Variants in DDX1 observed in about 807,000 individuals in gnomAD.
DDX1 encodes the protein DEAD-box helicase 1, also known as ATP-dependent RNA helicase DDX1.
A neutral mutation model predicts 108.7 loss-of-function variants in DDX1; 28 were observed. The ratio of observed to expected loss-of-function variants is 0.26; its 90% CI spans 0.19 to 0.35. The LOEUF (loss-of-function observed/expected upper bound fraction) is 0.35, where lower values mean the gene tolerates loss of function less well. Ranked by LOEUF, DDX1 falls within the 10% of genes least tolerant of loss-of-function variation. The pLI, the probability that DDX1 is intolerant of heterozygous loss-of-function variation, is 1.00. For missense variants in DDX1, 710 were observed against 884.5 expected, an observed-to-expected ratio of 0.80 and a Z score of 2.50; for synonymous variants, 295 against 288.9, an observed-to-expected ratio of 1.02 and a Z score of -0.21.
chr2:15,604,364 T>G (rs923346214), intron 9 of DDX1, 73 bp from the exon 10 acceptor site: 3 of 950,884 alleles, frequency 3.2e-6, no homozygotes, highest in Non-Finnish European at 5.0e-6. Flanking sequence ...CACATACTTT[T>G]GATGCAGCTA....
rs754095607 is a variant in DDX1 at position 15,607,210 on chromosome 2, A to G, written c.853A>G (p.Asn285Asp). 1.2e-6 allele frequency: 2 copies of G among 1,614,058 alleles called. No homozygotes were observed. The highest frequency in any genetic ancestry group is 2.2e-5 in the South Asian group (2 of 91,076). ...AQVTQTKFLP[N>D]APKALIVEPS... is the part of the protein sequence containing the mutation. Reference sequence around the variant, plus strand: ...GGTGACACAAACAAAGTTTCTCCCCAATGCTCCGAAAGCTCTCATTGTTGA... The same window carrying G: ...GGTGACACAAACAAAGTTTCTCCCCGATGCTCCGAAAGCTCTCATTGTTGA... The change falls in exon 13 of 26, where the codon AAT (asparagine) becomes GAT (aspartate). Residue 285 changes from asparagine to aspartate, a missense_variant. By Grantham distance (23) the Asn-to-Asp change is conservative (BLOSUM62 1). Around this residue, in one of 3 missense-constraint regions of DDX1, gnomAD observed 661 missense variants for 810.2 expected, o/e 0.82. Coordinates refer to ENST00000233084, the MANE Select transcript of DDX1 (RefSeq NM_004939.3).
intron 14 of DDX1, among the ~76,000 whole-genome samples, chr2:15,614,602 G>T (rs188272855): frequency 6.6e-6 from 1 of 152,258 alleles, no homozygotes; most frequent in Admixed American, 6.5e-5. Flanking sequence ...GTAGGAGCGG[G>T]TTAGTTATTG....
intron 13 of DDX1, among the ~76,000 whole-genome samples, chr2:15,610,464 T>G (rs1665732990): frequency 6.6e-6 from 1 of 152,232 alleles, no homozygotes; most frequent in Non-Finnish European, 1.5e-5. Context: ...GGGTTTTAAC[T>G]TCAGTCTTTT....
At chr2:15,624,805 C>T (rs1224758488) in intron 19 of DDX1, among the ~76,000 whole-genome samples, 1 of 152,048 alleles carries the variant, frequency 6.6e-6, no homozygotes, top group Non-Finnish European at 1.5e-5. Context: ...AAATACAACA[C>T]CGAATTTTGG....
At position 15,595,159 on chromosome 2, in the gene DDX1, C is replaced by T; in HGVS notation, c.31C>T (p.Pro11Ser). Residue 11 changes from proline to serine, a missense_variant, in exon 2 of 26, where the codon CCT (proline) becomes TCT (serine). Physicochemically the swap from Pro to Ser is moderately conservative, Grantham distance 74 (BLOSUM62 -1). Transcript: ENST00000233084. Reference sequence around the variant, plus strand: ...TTTACTTTCAGAGATGGGTGTAATGCCTGAGATTGCACAAGCTGTGGAAGA... The same window carrying T: ...TTTACTTTCAGAGATGGGTGTAATGTCTGAGATTGCACAAGCTGTGGAAGA... MAAFSEMGVM[P>S]EIAQAVEEMD... The T allele has an allele frequency of 6.2e-7, 1 of 1,611,068 alleles. No homozygotes were observed. Among genetic ancestry groups the T allele is most frequent in the Non-Finnish European group, 8.5e-7 (1 of 1,178,364 alleles).
rs773341416 is a variant in DDX1 at position 15,596,716 on chromosome 2, T to G, written c.133-18T>G. ...AGACAACTTAATCTGTAAAATCAACTTTTTTCCCCTCATTCAGGCTGCAGA... is the reference window on the plus strand; with the variant it reads ...AGACAACTTAATCTGTAAAATCAACGTTTTTCCCCTCATTCAGGCTGCAGA... On this transcript the variant is annotated intron_variant, in intron 3 of 25. Transcript: ENST00000233084. 7 of 1,609,116 alleles carry G rather than the reference T, an allele frequency of 4.4e-6. No individual in the cohort carries two copies. In the African/African-American group the frequency reaches 6.7e-5, roughly 15 times the overall value.
rs1404797053 is a variant in DDX1, at chr2:15,606,206, T to C, written c.759T>C (p.Asp253=). 6.2e-7 allele frequency: 1 copy of C among 1,614,178 alleles called. No homozygotes were observed. The highest frequency in any genetic ancestry group is 1.1e-5 in the South Asian group (1 of 91,078). ...GEEEFKFPPK[D]GFVALSKAPD... ...AGGAATTTAAGTTTCCACCAAAAGA[T>C]GGCTTTGTTGCTCTTTCCAAGGCAC... Residue 253 remains aspartate, a synonymous_variant, in exon 12 of 26, where the codon GAT becomes GAC. Coordinates refer to ENST00000233084, the MANE Select transcript of DDX1 (RefSeq NM_004939.3).
At position 15,630,020 on chromosome 2, in the gene DDX1, T is replaced by G. The variant is rs1666166582; in HGVS notation, c.2002T>G (p.Cys668Gly). ...ATCTGAGATAGAAGAACACCTGAACTGTACCATTTCTCAGGTTGAGCCGGA... is the reference window on the plus strand; with the variant it reads ...ATCTGAGATAGAAGAACACCTGAACGGTACCATTTCTCAGGTTGAGCCGGA... ...LLSEIEEHLN[C>G]TISQVEPDIK... Residue 668 changes from cysteine to glycine, a missense_variant, in exon 25 of 26, where the codon TGT becomes GGT. Around this residue, in one of 3 missense-constraint regions of DDX1, gnomAD observed 661 missense variants for 810.2 expected, o/e 0.82. Coordinates refer to ENST00000233084, the MANE Select transcript of DDX1 (RefSeq NM_004939.3). 4 of 1,612,616 alleles carry G rather than the reference T, an allele frequency of 2.5e-6. No individual in the cohort carries two copies. The highest frequency in any genetic ancestry group is 2.5e-6 in the Non-Finnish European group (3 of 1,178,842).
chr2:15,607,553 T>G (rs1253433600), intron 13 of DDX1, among the ~76,000 whole-genome samples: 1 of 152,150 alleles, frequency 6.6e-6, no homozygotes, highest in Non-Finnish European at 1.5e-5. Flanking sequence ...TGAAAAGTCA[T>G]GGTTAGTCAA....
At chr2:15,592,284 T>C (rs1665427101) in intron 1 of DDX1, among the ~76,000 whole-genome samples, 1 of 152,216 alleles carries the variant, frequency 6.6e-6, no homozygotes, top group South Asian at 2.1e-4. Flanking sequence ...CTGGGCCTCC[T>C]GCCTCTTAAC....
chr2:15,626,961 T>C (rs770657079), intron 19 of DDX1, 93 bp from the exon 20 acceptor site: 24 of 691,870 alleles, frequency 3.5e-5, no homozygotes, highest in Non-Finnish European at 5.9e-5. Context: ...TGGAATTGTG[T>C]GGCACTATTG....
intron 18 of DDX1, among the ~76,000 whole-genome samples, chr2:15,622,877 T>C (rs1356116706): frequency 2.6e-5 from 4 of 152,226 alleles, no homozygotes; most frequent in African/African-American, 9.6e-5. Flanking sequence ...ATAACAATTA[T>C]AGCACAGCTT....
chr2:15,611,832 G>T (rs1199847199), intron 13 of DDX1, among the ~76,000 whole-genome samples: 2 of 105,608 alleles, frequency 1.9e-5, no homozygotes, highest in Non-Finnish European at 3.7e-5. Context: ...TGGCCGGGCA[G>T]AGGGGCTCCT....
chr2:15,630,977 G>A lies in DDX1; in HGVS notation c.*71G>A. The A allele has an allele frequency of 6.8e-7, 1 of 1,460,082 alleles. No homozygotes were observed. The highest frequency in any genetic ancestry group is 1.2e-5 in the South Asian group (1 of 81,128). 90.4% of individuals were successfully genotyped at this position (1,460,082 alleles called of 1,614,324 possible). A position where few individuals can be genotyped will look rare whatever the true frequency, so the allele number is the denominator to read the frequency against. On this transcript the variant is annotated 3_prime_UTR_variant, in exon 26 of 26. Transcript: ENST00000233084. ...CTTAAAACTCTAAAACAGTTGTACT[G>A]CTTCCAAGCAGCAGTATTTATAGTA...
chr2:15,595,125 A>G lies in DDX1; in HGVS notation c.17-20A>G, dbSNP rs772966933. ...ATCATTTCAGTTTATGTGGTTTTTAAAATTAATTTTTACTTTCAGAGATGG... is the reference window on the plus strand; with the variant it reads ...ATCATTTCAGTTTATGTGGTTTTTAGAATTAATTTTTACTTTCAGAGATGG... On this transcript the variant is annotated intron_variant, in intron 1 of 25. Coordinates refer to ENST00000233084, the MANE Select transcript of DDX1 (RefSeq NM_004939.3). 1.3e-6 allele frequency: 2 copies of G among 1,589,808 alleles called. No homozygotes were observed. Among genetic ancestry groups the G allele is most frequent in the East Asian group, 4.5e-5 (2 of 44,664 alleles).
In DDX1 at chr2:15,595,367, A is replaced by G. The variant is rs1035702129; in HGVS notation, c.69-123A>G. 8.9e-6 allele frequency: 8 copies of G among 902,426 alleles called. No homozygotes were observed. The African/African-American group carries it at 1.2e-4, about 13-fold the overall frequency. 55.9% of individuals were successfully genotyped at this position (902,426 alleles called of 1,614,324 possible). On this transcript the variant is annotated intron_variant, in intron 2 of 25. Coordinates refer to ENST00000233084, the MANE Select transcript of DDX1 (RefSeq NM_004939.3). ...CTTTTTTTAACCTTGACATATTTCT[A>G]GTGGAATAAGATGGATCGTATTTAC... is the stretch of plus-strand genomic sequence containing the variant.
In DDX1 at chr2:15,611,345, T is replaced by G. The variant is rs566939709; in HGVS notation, c.957-1879T>G. ...CTCTTTTCCCCACCTCTCCCCACTTTCTACTCCACAAAACCGCCATTGTCA... is the reference window on the plus strand; with the variant it reads ...CTCTTTTCCCCACCTCTCCCCACTTGCTACTCCACAAAACCGCCATTGTCA... On this transcript the variant is annotated intron_variant, in intron 13 of 25. Transcript: ENST00000233084. 5.3e-5 allele frequency among the ~76,000 whole-genome samples: 8 copies of G among 151,838 alleles called. No individual in the cohort carries two copies. The South Asian group carries it at 1.7e-3, about 32-fold the overall frequency.
intron 13 of DDX1, 40 bp from the exon 14 acceptor site, chr2:15,613,184 T>A (rs1227995426): frequency 2.8e-6 from 2 of 702,450 alleles, no homozygotes; most frequent in South Asian, 2.4e-5. Context: ...CAGACTTTAA[T>A]TTTTTTTTTT....
At chr2:15,621,678 G>C (rs890916676) in intron 18 of DDX1, among the ~76,000 whole-genome samples, 1 of 150,334 alleles carries the variant, frequency 6.7e-6, no homozygotes, top group East Asian at 2.0e-4. Context: ...TTTGAGACAC[G>C]GTCTCACTCT....
Sources: allele counts gnomAD v4.1 joint callset (sites outside exome capture counted in the v4.1 genomes callset), GRCh38; gene constraint gnomAD v4.1.1; regional missense constraint gnomAD v4.1.1; transcripts MANE v1.5; gene names NCBI Gene and HGNC (gene_info 2026-07-23, HGNC 2026-07-21).